RAB3B: variants seen among roughly 807,000 people sequenced by gnomAD.
The protein encoded by RAB3B is RAB3B, member RAS oncogene family, also known as ras-related protein Rab-3B.
A neutral mutation model predicts 20.5 loss-of-function variants in RAB3B; 11 were observed. The ratio of observed to expected loss-of-function variants is 0.54; its 90% CI spans 0.34 to 0.89. RAB3B has a LOEUF of 0.89. RAB3B is among the 40% of genes least tolerant of loss of function. RAB3B has a pLI of 0.02. For synonymous variants in RAB3B, 99 were observed against 106.3 expected (o/e 0.93, Z 0.42); for missense variants, 225 against 280.9 (o/e 0.80, Z 1.42).
chr1:51,939,505 C>A (rs1020184793), intron 2 of RAB3B, among the ~76,000 whole-genome samples: 63 of 152,124 alleles, frequency 4.1e-4, no homozygotes, highest in Non-Finnish European at 3.2e-4. Flanking sequence ...TCACTGCAGC[C>A]TTGAACTCCT....
chr1:51,918,286 G>A lies in RAB3B; in HGVS notation c.*1641C>T, dbSNP rs1684116486. 1 of 152,108 alleles carries A rather than the reference G, an allele frequency of 6.6e-6. No individual in the cohort carries two copies. The highest frequency in any genetic ancestry group is 1.5e-5 in the Non-Finnish European group (1 of 68,018). 9.4% of individuals were successfully genotyped at this position (152,108 alleles called of 1,614,324 possible). A position where few individuals can be genotyped will look rare whatever the true frequency, so the allele number is the denominator to read the frequency against. On this transcript the variant is annotated 3_prime_UTR_variant, in exon 5 of 5. Coordinates refer to ENST00000371655, the MANE Select transcript of RAB3B (RefSeq NM_002867.4). ...GTCATGCCACCTTAAGATTTATTTT[G>A]CTTTGAATCATACTTCTCAGTTAGA...
chr1:51,918,945 C>G lies in RAB3B; in HGVS notation c.*982G>C, dbSNP rs905640923. On this transcript the variant is annotated 3_prime_UTR_variant, in exon 5 of 5. Coordinates refer to ENST00000371655, the MANE Select transcript of RAB3B (RefSeq NM_002867.4). ...TCTTTCATATAGCAGGAACCTCTGA[C>G]ATTTTGTAGGGGATAATCCTTTTCT... The G allele has an allele frequency of 1.3e-5, 2 of 150,872 alleles. No individual in the cohort carries two copies. Among genetic ancestry groups the G allele is most frequent in the Non-Finnish European group, 3.0e-5 (2 of 67,688 alleles). The allele number at this position is 150,872 out of a possible 1,614,324, so 9.3% of individuals were successfully genotyped here. A position where few individuals can be genotyped will look rare whatever the true frequency, so the allele number is the denominator to read the frequency against.
rs1290243434 is a variant in RAB3B at position 51,933,317 on chromosome 1, C to T, written c.472+1G>A. 1.2e-6 allele frequency: 2 copies of T among 1,613,590 alleles called. No individual in the cohort carries two copies. The highest frequency in any genetic ancestry group is 1.3e-5 in the African/African-American group (1 of 74,866). On this transcript the variant is annotated splice_donor_variant, in intron 4 of 4. Coordinates refer to ENST00000371655, the MANE Select transcript of RAB3B (RefSeq NM_002867.4). LOFTEE classifies it high-confidence loss of function. Reference sequence around the variant, plus strand: ...TGCACATACATGTGTCATGTACATACCAAGCTGCTCTGCAAGGAGCTGGCC... The same window carrying T: ...TGCACATACATGTGTCATGTACATATCAAGCTGCTCTGCAAGGAGCTGGCC...
At chr1:51,982,468 C>T (rs1311918053) in intron 1 of RAB3B, among the ~76,000 whole-genome samples, 1 of 151,980 alleles carries the variant, frequency 6.6e-6, no homozygotes, top group Non-Finnish European at 1.5e-5. Flanking sequence ...ATAAAAGAGT[C>T]TATGGCTGGG....
At chr1:51,980,696 C>A (rs1685074668) in intron 1 of RAB3B, 4 of 755,938 alleles carry the variant, frequency 5.3e-6, no homozygotes, top group Non-Finnish European at 4.8e-6. Context: ...CATTACTATG[C>A]GAGTTGTGCA....
chr1:51,918,608 G>A lies in RAB3B; in HGVS notation c.*1319C>T, dbSNP rs1684120718. Reference sequence around the variant, plus strand: ...CTTTCTATGAGAGTTGACAAAGATGGTGTGGAAAATGAGCTCCTGTCCCTG... The same window carrying A: ...CTTTCTATGAGAGTTGACAAAGATGATGTGGAAAATGAGCTCCTGTCCCTG... On this transcript the variant is annotated 3_prime_UTR_variant, in exon 5 of 5. Coordinates refer to ENST00000371655, the MANE Select transcript of RAB3B (RefSeq NM_002867.4). The A allele has an allele frequency of 6.6e-6, 1 of 152,214 alleles. No individual in the cohort carries two copies. Among genetic ancestry groups the A allele is most frequent in the African/African-American group, 2.4e-5 (1 of 41,438 alleles). The allele number at this position is 152,214 out of a possible 1,614,324, so 9.4% of individuals were successfully genotyped here.
At chr1:51,979,701 T>C (rs1476924732) in intron 1 of RAB3B, among the ~76,000 whole-genome samples, 1 of 152,198 alleles carries the variant, frequency 6.6e-6, no homozygotes, top group African/African-American at 2.4e-5. Flanking sequence ...ATATTCATTA[T>C]AAAAAATTTG....
chr1:51,936,635 C>T (rs973841545), intron 3 of RAB3B, among the ~76,000 whole-genome samples: 2 of 152,094 alleles, frequency 1.3e-5, no homozygotes, highest in Non-Finnish European at 2.9e-5. Flanking sequence ...CTGGAACATC[C>T]TTATTCATTT....
chr1:51,929,211 C>T (rs376980833), intron 4 of RAB3B, among the ~76,000 whole-genome samples: 4 of 152,162 alleles, frequency 2.6e-5, no homozygotes, highest in Non-Finnish European at 4.4e-5. Flanking sequence ...TAACTCCCCA[C>T]GCAGAGAGTC....
At chr1:51,933,710 A>T (rs536217755) in intron 3 of RAB3B, among the ~76,000 whole-genome samples, 1 of 152,190 alleles carries the variant, frequency 6.6e-6, no homozygotes, top group African/African-American at 2.4e-5. Flanking sequence ...AGCTGCTGGC[A>T]CCTTGATCTT....
At chr1:51,978,471 C>T (rs1014166081) in intron 1 of RAB3B, among the ~76,000 whole-genome samples, 1 of 152,202 alleles carries the variant, frequency 6.6e-6, no homozygotes, top group African/African-American at 2.4e-5. Context: ...TTTGTTCACT[C>T]ATTCACTCAG....
intron 2 of RAB3B, among the ~76,000 whole-genome samples, chr1:51,962,153 T>TGGAC (rs1250718497): frequency 6.6e-6 from 1 of 152,230 alleles, no homozygotes; most frequent in African/African-American, 2.4e-5. Flanking sequence ...CTAACTCCTC[T>TGGAC]GGACCTCAGT....
At chr1:51,984,309 A>C (rs1412171309) in intron 1 of RAB3B, among the ~76,000 whole-genome samples, 2 of 122,226 alleles carry the variant, frequency 1.6e-5, no homozygotes, top group Non-Finnish European at 3.4e-5. Context: ...CATGAACGAG[A>C]CTTTGAAAAC....
chr1:51,956,397 A>G (rs1684707145), intron 2 of RAB3B, among the ~76,000 whole-genome samples: 1 of 152,222 alleles, frequency 6.6e-6, no homozygotes, highest in Non-Finnish European at 1.5e-5. Context: ...ACTGAGAGGC[A>G]CAGGGAGGTT....
At chr1:51,969,644 T>A (rs1316215153) in intron 2 of RAB3B, among the ~76,000 whole-genome samples, 1 of 151,990 alleles carries the variant, frequency 6.6e-6, no homozygotes, top group African/African-American at 2.4e-5. Context: ...ACGCCCCATC[T>A]CTCTGACTCC....
In RAB3B at chr1:51,939,163, A is replaced by G. The variant is rs1020660297; in HGVS notation, c.229-1751T>C. ...ATCAGGGCACATTGGGATGCTTCCAAATTTTCCACACAGTCCTCGTGTGAG... is the reference window on the plus strand; with the variant it reads ...ATCAGGGCACATTGGGATGCTTCCAGATTTTCCACACAGTCCTCGTGTGAG... On this transcript the variant is annotated intron_variant, in intron 2 of 4. Transcript: ENST00000371655. Among the ~76,000 whole-genome samples the G allele has an allele frequency of 2.3e-4, 35 of 152,212 alleles. 1 individual carries two copies. Among genetic ancestry groups the G allele is most frequent in the Non-Finnish European group, 4.1e-4 (28 of 68,044 alleles).
chr1:51,958,863 G>A (rs972059300), intron 2 of RAB3B, among the ~76,000 whole-genome samples: 1 of 152,252 alleles, frequency 6.6e-6, no homozygotes, highest in Non-Finnish European at 1.5e-5. Context: ...GGCCAAGAGA[G>A]AGATCAGGCA....
At chr1:51,963,441 C>G (rs779617992) in intron 2 of RAB3B, among the ~76,000 whole-genome samples, 1 of 152,118 alleles carries the variant, frequency 6.6e-6, no homozygotes, top group Non-Finnish European at 1.5e-5. Context: ...TACTTAAAGT[C>G]AACTCTTTGC....
chr1:51,967,330 A>G lies in RAB3B; in HGVS notation c.228+9560T>C, dbSNP rs533055713. On this transcript the variant is annotated intron_variant, in intron 2 of 4. Transcript: ENST00000371655. ...CTCCACCTCAAAAAATAAATTAATT[A>G]ATTAAATTAAATAAAATGAGAGACT... Among the ~76,000 whole-genome samples, 8 of 151,828 alleles carry G rather than the reference A, an allele frequency of 5.3e-5. No homozygotes were observed. In the East Asian group the frequency reaches 1.6e-3, roughly 29 times the overall value.
Sources: gnomAD v4.1 joint callset for allele counts (sites outside exome capture counted in the v4.1 genomes callset) on GRCh38, gnomAD v4.1.1 for gene constraint, MANE v1.5 for transcripts, NCBI Gene and HGNC (gene_info 2026-07-23, HGNC 2026-07-21) for gene names.